The following CIITA variants were observed in gnomAD, a reference collection of about 807,000 sequenced individuals.
CIITA encodes class II major histocompatibility complex transactivator.
In CIITA, 72 loss-of-function variants were observed where a neutral mutation model predicts 115.1. That is an observed-to-expected ratio of 0.63 (90% confidence interval 0.52 to 0.76). The LOEUF (loss-of-function observed/expected upper bound fraction) is 0.76. Among genes scored for constraint, CIITA ranks in the 30% least tolerant of loss-of-function variants. CIITA has a pLI of 0.00. For synonymous variants in CIITA, 763 were observed against 635.6 expected, an observed-to-expected ratio of 1.20 and a Z score of -3.02; for missense variants, 1,617 against 1,463.8, an observed-to-expected ratio of 1.10 and a Z score of -1.71.
At chr16:10,905,590 G>A (rs533797658) in intron 10 of CIITA, among the ~76,000 whole-genome samples, 9 of 151,544 alleles carry the variant, frequency 5.9e-5, no homozygotes, top group African/African-American at 1.2e-4. Flanking sequence ...GTGAAACCCC[G>A]TCTCCATTAA....
At chr16:10,908,347 C>T in intron 11 of CIITA, 198 bp downstream of exon 11, 2 of 716,810 alleles carry the variant, frequency 2.8e-6, no homozygotes, top group Non-Finnish European at 5.0e-6. Flanking sequence ...AAGTGAGAGG[C>T]AATGGCATTC....
intron 7 of CIITA, 137 bp downstream of exon 7, chr16:10,902,321 G>A (rs533223316): frequency 2.3e-6 from 3 of 1,319,268 alleles, no homozygotes; most frequent in South Asian, 2.6e-5. Context: ...CTCTGCCCCA[G>A]CCAGTTTTAT....
intron 1 of CIITA, among the ~76,000 whole-genome samples, chr16:10,890,433 C>CACA (rs1220668093): frequency 6.6e-6 from 1 of 152,120 alleles, no homozygotes; most frequent in Non-Finnish European, 1.5e-5. Context: ...TCTACAGATG[C>CACA]ACATCACCAC....
At chr16:10,877,837 G>A (rs2035983738) in intron 1 of CIITA, among the ~76,000 whole-genome samples, 1 of 152,182 alleles carries the variant, frequency 6.6e-6, no homozygotes, top group African/African-American at 2.4e-5. Context: ...TCAGCAGCTG[G>A]GGAGAGCTGG....
chr16:10,898,232 G>C (rs1462817334), intron 3 of CIITA, among the ~76,000 whole-genome samples: 1 of 152,002 alleles, frequency 6.6e-6, no homozygotes, highest in Non-Finnish European at 1.5e-5. Flanking sequence ...CTACTGTGTT[G>C]GATGCTCTAG....
chr16:10,923,488 G>A lies in CIITA; in HGVS notation c.*22+163G>A, dbSNP rs905595134. On this transcript the variant is annotated intron_variant, in intron 19 of 19. Transcript: ENST00000324288. The surrounding 1 kb of genome is among the most constrained non-coding windows in gnomAD (Gnocchi z 5.2). ...ATCCCCTCATCTCCACCCTGGGCTC[G>A]GTGGAGCTGTCCTCCAGGCTTTGCG... is the stretch of plus-strand genomic sequence containing the variant. Among the ~76,000 whole-genome samples, 29 of 152,232 alleles carry A rather than the reference G, an allele frequency of 1.9e-4. No individual in the cohort carries two copies. Among genetic ancestry groups the A allele is most frequent in the Middle Eastern group, 3.4e-3 (1 of 294 alleles).
At position 10,901,975 on chromosome 16, in the gene CIITA, C is replaced by T; in HGVS notation, c.482-63C>T. 6.2e-7 allele frequency: 1 copy of T among 1,600,918 alleles called. No individual in the cohort carries two copies. The highest frequency in any genetic ancestry group is 8.5e-7 in the Non-Finnish European group (1 of 1,171,372). On this transcript the variant is annotated intron_variant, in intron 6 of 19. Coordinates refer to ENST00000324288, the MANE Select transcript of CIITA (RefSeq NM_000246.4). The surrounding 1 kb of genome is among the most constrained non-coding windows in gnomAD (Gnocchi z 6.8). ...AGAGACATCCATGCCACTCCAGGGCCCTCCCCATCCCAGGAAGGCCCCTCC... is the reference window on the plus strand; with the variant it reads ...AGAGACATCCATGCCACTCCAGGGCTCTCCCCATCCCAGGAAGGCCCCTCC...
At chr16:10,893,352 C>A (rs1222370803) in intron 1 of CIITA, among the ~76,000 whole-genome samples, 1 of 152,148 alleles carries the variant, frequency 6.6e-6, no homozygotes, top group African/African-American at 2.4e-5. Context: ...AGCCTTAGAG[C>A]CACACAGATG....
At chr16:10,866,859 C>T (rs187670461) in intron 1 of CIITA, among the ~76,000 whole-genome samples, 6 of 152,308 alleles carry the variant, frequency 3.9e-5, no homozygotes, top group East Asian at 3.9e-4. Flanking sequence ...CCAACATTAA[C>T]GGGGCATGGA....
Position 10,932,187 on chromosome 16 carries a change from T to A in CIITA, c.*8332T>A, listed in dbSNP as rs2040825609. The A allele has an allele frequency of 6.6e-6, 1 of 152,252 alleles. No individual in the cohort carries two copies. 9.4% of individuals were successfully genotyped at this position (152,252 alleles called of 1,614,324 possible). On this transcript the variant is annotated 3_prime_UTR_variant, in exon 20 of 20. Transcript: ENST00000324288. ...GTTCTGGGACACAGTTCAATTCTCA[T>A]TTGTCACACACTTTGGCTATTAGAG...
At chr16:10,911,938 T>C (rs1198734059) in intron 13 of CIITA, among the ~76,000 whole-genome samples, 1 of 152,142 alleles carries the variant, frequency 6.6e-6, no homozygotes, top group African/African-American at 2.4e-5. Flanking sequence ...ATCTCCCCAT[T>C]GTACAAATGG....
Position 10,898,619 on chromosome 16 carries a change from G to A in CIITA, c.296-51G>A, listed in dbSNP as rs1198380725. On this transcript the variant is annotated intron_variant, in intron 3 of 19. Transcript: ENST00000324288. Reference sequence around the variant, plus strand: ...CCAGCCCAAGGCCTGGCACACAGTGGGCCTTCAGTTAGACCTTGTTGATTG... The same window carrying A: ...CCAGCCCAAGGCCTGGCACACAGTGAGCCTTCAGTTAGACCTTGTTGATTG... The A allele has an allele frequency of 5.1e-6, 8 of 1,559,964 alleles. No individual in the cohort carries two copies. In the Admixed American group the frequency reaches 1.3e-4, roughly 26 times the overall value.
upstream of CIITA, among the ~76,000 whole-genome samples, chr16:10,875,634 G>A (rs540523993): frequency 6.6e-6 from 1 of 152,034 alleles, no homozygotes; most frequent in Middle Eastern, 3.4e-3. Context: ...TTTATGACAG[G>A]GTTTTTTTTA....
At position 10,923,286 on chromosome 16, in the gene CIITA, C is replaced by A. The variant is rs753124646; in HGVS notation, c.3376C>A (p.Arg1126=). The A allele has an allele frequency of 1.3e-6, 2 of 1,539,930 alleles. No homozygotes were observed. The highest frequency in any genetic ancestry group is 2.8e-5 in the African/African-American group (2 of 72,622). The change falls in exon 19 of 20, where the codon CGG becomes AGG. Residue 1126 remains arginine, a synonymous_variant. Coordinates refer to ENST00000324288, the MANE Select transcript of CIITA (RefSeq NM_000246.4). This position sits in a 1 kb window ranked among gnomAD's most constrained non-coding sequence, Gnocchi z 5.2. The part of the protein sequence containing the change: ...VQEHLQQQDS[R]ISLR ...GGAACACCTGCAACAACAGGATTCA[C>A]GGATCAGCCTGAGATGATCCCAGCT...
At chr16:10,916,503 A>C in intron 15 of CIITA, 44 bp downstream of exon 15, 1 of 1,531,014 alleles carries the variant, frequency 6.5e-7, no homozygotes, top group Non-Finnish European at 9.0e-7. Flanking sequence ...CGGGCCCCCA[A>C]AGTCCGGCTG....
At position 10,902,682 on chromosome 16, in the gene CIITA, G is replaced by A; in HGVS notation, c.653G>A (p.Ser218Asn). ...GTGCCTTTCTCCAGTTCCTCGTTGA[G>A]CTGCCTGAATCTCCCTGAGGGACCC... ...IPMPFSSSSL[S>N]CLNLPEGPIQ... Residue 218 changes from serine (S) to asparagine (N), a missense_variant, in exon 8 of 20, where the codon AGC (serine) becomes AAC (asparagine). Ser to Asn is a conservative substitution (Grantham distance 46). Coordinates refer to ENST00000324288, the MANE Select transcript of CIITA (RefSeq NM_000246.4). 1 of 1,614,200 alleles carries A rather than the reference G, an allele frequency of 6.2e-7. No individual in the cohort carries two copies. Among genetic ancestry groups the A allele is most frequent in the Non-Finnish European group, 8.5e-7 (1 of 1,180,040 alleles).
At position 10,896,241 on chromosome 16, in the gene CIITA, C is replaced by T. The variant is rs2038110514; in HGVS notation, c.295+477C>T. 3.9e-5 allele frequency among the ~76,000 whole-genome samples: 6 copies of T among 152,316 alleles called. No individual in the cohort carries two copies. In the South Asian group the frequency reaches 1.2e-3, roughly 32 times the overall value. ...GGAAATACATATTATTAGTTTCTGT[C>T]TTTTACAAATGAGGAAATTGAGGTT... On this transcript the variant is annotated intron_variant, in intron 3 of 19. Transcript: ENST00000324288.
chr16:10,869,369 GAGCACTGTTCTCTA>G (rs1348384607), intron 1 of CIITA, among the ~76,000 whole-genome samples: 1 of 152,140 alleles, frequency 6.6e-6, no homozygotes, highest in East Asian at 1.9e-4. Flanking sequence ...CCTCTGCCTG[GAGCACTGTTCTCTA>G]AGCATTTTCT....
Position 10,932,692 on chromosome 16 carries a change from T to C in CIITA, c.*8837T>C, listed in dbSNP as rs1372927340. 1 of 93,358 alleles carries C rather than the reference T, an allele frequency of 1.1e-5. No homozygotes were observed. The highest frequency in any genetic ancestry group is 4.0e-5 in the African/African-American group (1 of 24,770). The allele number at this position is 93,358 out of a possible 1,614,324, so 5.8% of individuals were successfully genotyped here. ...AAAAAAACACAAACCAAAAAAAAAA[T>C]TCTTTTTTTTTTTTTTTTTTTGAGA... is the stretch of plus-strand genomic sequence containing the variant. On this transcript the variant is annotated 3_prime_UTR_variant, in exon 20 of 20. Transcript: ENST00000324288.
Sources: gnomAD v4.1 joint callset for allele counts (sites outside exome capture counted in the v4.1 genomes callset) on GRCh38, gnomAD v4.1.1 for gene constraint, Gnocchi (gnomAD v3.1) non-coding constraint, MANE v1.5 for transcripts, NCBI Gene and HGNC (gene_info 2026-07-23, HGNC 2026-07-21) for gene names.